Variants in BLK observed in about 807,000 individuals in gnomAD.
BLK encodes BLK proto-oncogene, Src family tyrosine kinase.
BLK carries 64 observed loss-of-function variants against 61.8 expected under a neutral mutation model. The observed-to-expected ratio is 1.03, with a 90% CI of 0.85 to 1.27. The LOEUF is 1.27. Among genes scored for constraint, BLK ranks in the 50% most tolerant of loss-of-function variants. The probability of loss-of-function intolerance (pLI) is 0.00; values close to 1 mark genes in which losing one functional copy is unlikely to be tolerated. For synonymous variants in BLK, 351 were observed against 272.0 expected (o/e 1.29, Z -2.86); for missense variants, 853 against 660.5 (o/e 1.29, Z -3.19).
chr8:11,506,711 C>G (rs924459712), intron 1 of BLK, among the ~76,000 whole-genome samples: 2 of 152,162 alleles, frequency 1.3e-5, no homozygotes, highest in East Asian at 3.8e-4. Flanking sequence ...TCTTTGTCAT[C>G]AGTCCATGCA....
intron 6 of BLK, 86 bp from the exon 7 acceptor site, chr8:11,554,657 C>A (rs1287073533): frequency 1.9e-6 from 3 of 1,548,788 alleles, no homozygotes; most frequent in Non-Finnish European, 2.6e-6. Flanking sequence ...GAACTTTTTT[C>A]AAAGCTTTAA....
intron 1 of BLK, among the ~76,000 whole-genome samples, chr8:11,496,546 C>T (rs1798364719): frequency 1.3e-5 from 2 of 152,236 alleles, no homozygotes; most frequent in African/African-American, 2.4e-5. Flanking sequence ...ACTGGCCCAG[C>T]ATGCATTTTT....
At chr8:11,518,471 G>T (rs933350278) in intron 1 of BLK, among the ~76,000 whole-genome samples, 1 of 152,146 alleles carries the variant, frequency 6.6e-6, no homozygotes, top group Non-Finnish European at 1.5e-5. Flanking sequence ...GGATTGAGGG[G>T]TGTCTCTCTC....
intron 1 of BLK, among the ~76,000 whole-genome samples, chr8:11,521,383 C>G (rs1799440565): frequency 6.6e-6 from 1 of 152,190 alleles, no homozygotes; most frequent in African/African-American, 2.4e-5. Flanking sequence ...CTTGACTTCC[C>G]AGGCTCAAGC....
chr8:11,551,306 G>C (rs79566516), intron 6 of BLK, among the ~76,000 whole-genome samples: 2 of 152,044 alleles, frequency 1.3e-5, no homozygotes, highest in African/African-American at 4.8e-5. Flanking sequence ...TGTCAGCAGC[G>C]TTGGCTCCTC....
intron 1 of BLK, among the ~76,000 whole-genome samples, chr8:11,536,745 A>G (rs1434044464): frequency 2.6e-5 from 4 of 152,182 alleles, no homozygotes; most frequent in African/African-American, 9.7e-5. Flanking sequence ...GGTTTCATAA[A>G]AAATAGTTTT....
intron 1 of BLK, among the ~76,000 whole-genome samples, chr8:11,528,539 G>C (rs749785825): frequency 1.3e-5 from 2 of 152,042 alleles, no homozygotes; most frequent in South Asian, 4.1e-4. Flanking sequence ...TCAATCCTGA[G>C]GTGTTAGCTA....
rs377686195 is a variant in BLK, at chr8:11,504,438, C to T, written c.-2+9847C>T. Among the ~76,000 whole-genome samples, 5 of 146,392 alleles carry T rather than the reference C, an allele frequency of 3.4e-5. No individual in the cohort carries two copies. In the East Asian group the frequency reaches 5.8e-4, roughly 17 times the overall value. On this transcript the variant is annotated intron_variant, in intron 1 of 12. Coordinates refer to ENST00000259089, the MANE Select transcript of BLK (RefSeq NM_001715.3). ...AAAAAAAAAGAAAAGATCCCATTCA[C>T]CTGCACAAAAGCCACACCCCTTTGT...
intron 1 of BLK, among the ~76,000 whole-genome samples, chr8:11,534,406 C>A (rs746365817): frequency 1.3e-5 from 2 of 152,100 alleles, no homozygotes; most frequent in African/African-American, 4.8e-5. Flanking sequence ...GTGTTCCCCC[C>A]CCAAAAAAAT....
intron 1 of BLK, among the ~76,000 whole-genome samples, chr8:11,519,273 G>A (rs539399899): frequency 6.6e-6 from 1 of 152,186 alleles, no homozygotes; most frequent in African/African-American, 2.4e-5. Context: ...CCTTCATGTG[G>A]GGCTGCTAGG....
At position 11,554,844 on chromosome 8, in the gene BLK, CG is replaced by C. The variant is rs1563119483; in HGVS notation, c.576del (p.Ile193SerfsTer24). 1.2e-6 allele frequency: 2 copies of C among 1,613,834 alleles called. No individual in the cohort carries two copies. The highest frequency in any genetic ancestry group is 1.7e-6 in the Non-Finnish European group (2 of 1,180,012). ...LDEGGYYISP[R>X]ITFPSLQALV... Reference sequence around the variant, plus strand: ...TGAAGGGGGCTACTACATCTCCCCCCGGATCACCTTCCCCTCGCTCCAGGCC... The same window carrying C: ...TGAAGGGGGCTACTACATCTCCCCCCGATCACCTTCCCCTCGCTCCAGGCC... On this transcript the variant is annotated frameshift_variant, in exon 7 of 13. Transcript: ENST00000259089. LOFTEE classifies it high-confidence loss of function.
chr8:11,551,368 G>A (rs1019359358), intron 6 of BLK, among the ~76,000 whole-genome samples: 7 of 152,138 alleles, frequency 4.6e-5, no homozygotes, highest in African/African-American at 9.7e-5. Flanking sequence ...GTGTCCTCAC[G>A]TGGCCGTCCC....
intron 7 of BLK, 109 bp from the exon 8 acceptor site, chr8:11,555,223 G>C (rs2117546931): frequency 7.0e-7 from 1 of 1,427,688 alleles, no homozygotes; most frequent in South Asian, 1.1e-5. Flanking sequence ...ACCCATGCAG[G>C]GGGTGGGGTG....
chr8:11,548,127 T>G lies in BLK; in HGVS notation c.269+2T>G, dbSNP rs746294075. 1 of 1,611,604 alleles carries G rather than the reference T, an allele frequency of 6.2e-7. No individual in the cohort carries two copies. Among genetic ancestry groups the G allele is most frequent in the Admixed American group, 1.7e-5 (1 of 60,000 alleles). ...GGAGAAGCTACAGGTCCTGAAGGGG[T>G]GAGGTTCCAGGACACCATCCCCTGT... On this transcript the variant is annotated splice_donor_variant, in intron 4 of 12. Transcript: ENST00000259089. LOFTEE classifies it high-confidence loss of function.
At chr8:11,518,747 C>A (rs1214879738) in intron 1 of BLK, among the ~76,000 whole-genome samples, 1 of 152,186 alleles carries the variant, frequency 6.6e-6, no homozygotes, top group Non-Finnish European at 1.5e-5. Context: ...AATCCCAACC[C>A]TTCCCCAGCT....
chr8:11,512,717 G>A (rs935029767), intron 1 of BLK, among the ~76,000 whole-genome samples: 5 of 152,164 alleles, frequency 3.3e-5, no homozygotes, highest in African/African-American at 1.2e-4. Flanking sequence ...AGGCTGGAGT[G>A]CAGTGGCACA....
intron 2 of BLK, among the ~76,000 whole-genome samples, chr8:11,545,017 T>G (rs375722152): frequency 6.6e-5 from 10 of 152,202 alleles, no homozygotes; most frequent in African/African-American, 2.2e-4. Flanking sequence ...TGCTTTTTAA[T>G]ATTATCACAT....
intron 1 of BLK, among the ~76,000 whole-genome samples, chr8:11,537,871 T>G (rs976729045): frequency 1.3e-5 from 2 of 152,202 alleles, no homozygotes; most frequent in Non-Finnish European, 2.9e-5. Context: ...AAGCTGTGTT[T>G]CAGGCTTTGA....
chr8:11,531,721 A>G (rs1799893199), intron 1 of BLK, among the ~76,000 whole-genome samples: 1 of 152,132 alleles, frequency 6.6e-6, no homozygotes, highest in South Asian at 2.1e-4. Context: ...CTCCCCAGTC[A>G]CTGATGCTCT....
Sources: gnomAD v4.1 joint callset for allele counts (sites outside exome capture counted in the v4.1 genomes callset) on GRCh38, gnomAD v4.1.1 for gene constraint, MANE v1.5 for transcripts, NCBI Gene and HGNC (gene_info 2026-07-23, HGNC 2026-07-21) for gene names.